SEMA3E: variants seen among roughly 807,000 people sequenced by gnomAD.
The protein encoded by SEMA3E is semaphorin-3E.
Under a neutral mutation model 93.6 loss-of-function variants are expected in SEMA3E, and 49 were observed. That is an observed-to-expected ratio of 0.52 (90% CI 0.42 to 0.66). The LOEUF is 0.66. Ranked by LOEUF, SEMA3E falls within the 30% of genes least tolerant of loss-of-function variation. The pLI is 0.00. For missense variants in SEMA3E, 906 were observed against 964.8 expected, an observed-to-expected ratio of 0.94 and a Z score of 0.81; for synonymous variants, 363 against 330.7, an observed-to-expected ratio of 1.10 and a Z score of -1.06.
intron 1 of SEMA3E, among the ~76,000 whole-genome samples, chr7:83,621,168 T>C (rs1471087148): frequency 5.3e-5 from 8 of 152,154 alleles, no homozygotes; most frequent in Non-Finnish European, 8.8e-5. Context: ...AAAATTAATA[T>C]GCAAAATTTG....
At chr7:83,427,668 G>GT (rs1212715584) in intron 4 of SEMA3E, among the ~76,000 whole-genome samples, 1 of 152,140 alleles carries the variant, frequency 6.6e-6, no homozygotes, top group Non-Finnish European at 1.5e-5. Context: ...CTTAAACGCA[G>GT]TGTTTCATGT....
At chr7:83,466,708 T>A (rs1450594944) in intron 3 of SEMA3E, 107 bp from the exon 4 acceptor site, 5 of 1,414,010 alleles carry the variant, frequency 3.5e-6, no homozygotes, top group Non-Finnish European at 4.9e-6. Flanking sequence ...TTACCGTAAA[T>A]CTCTGTTGGG....
At chr7:83,451,680 C>A (rs1345341492) in intron 4 of SEMA3E, among the ~76,000 whole-genome samples, 1 of 152,178 alleles carries the variant, frequency 6.6e-6, no homozygotes, top group Non-Finnish European at 1.5e-5. Context: ...AAGCACATGT[C>A]CCATGTGGAA....
At chr7:83,638,724 G>C (rs1457503788) in intron 1 of SEMA3E, among the ~76,000 whole-genome samples, 1 of 152,100 alleles carries the variant, frequency 6.6e-6, no homozygotes, top group African/African-American at 2.4e-5. Context: ...GGTAATATGA[G>C]CTTGAGGCTT....
intron 1 of SEMA3E, among the ~76,000 whole-genome samples, chr7:83,491,545 C>A (rs1421345023): frequency 6.6e-6 from 1 of 151,842 alleles, no homozygotes; most frequent in African/African-American, 2.4e-5. Flanking sequence ...ATTGAGTTAG[C>A]TTTGAGATAT....
intron 2 of SEMA3E, among the ~76,000 whole-genome samples, chr7:83,473,930 T>C (rs1789954944): frequency 6.6e-6 from 1 of 151,556 alleles, no homozygotes; most frequent in Non-Finnish European, 1.5e-5. Flanking sequence ...CTTGTCTCTA[T>C]GAAAAATACA....
intron 1 of SEMA3E, among the ~76,000 whole-genome samples, chr7:83,495,841 T>C (rs1790480019): frequency 6.6e-6 from 1 of 151,920 alleles, no homozygotes; most frequent in African/African-American, 2.4e-5. Flanking sequence ...CTATGTAAAA[T>C]TTCTATATTA....
At chr7:83,630,203 G>A (rs1793758979) in intron 1 of SEMA3E, among the ~76,000 whole-genome samples, 1 of 152,216 alleles carries the variant, frequency 6.6e-6, no homozygotes, top group African/African-American at 2.4e-5. Context: ...GTCTCACTGG[G>A]AGCTGCAGAT....
At chr7:83,621,656 T>C (rs553701145) in intron 1 of SEMA3E, among the ~76,000 whole-genome samples, 2 of 152,102 alleles carry the variant, frequency 1.3e-5, no homozygotes, top group African/African-American at 4.8e-5. Context: ...CATTGACCGA[T>C]GGAACAGAAT....
At chr7:83,622,499 T>C (rs1395570038) in intron 1 of SEMA3E, among the ~76,000 whole-genome samples, 1 of 152,146 alleles carries the variant, frequency 6.6e-6, no homozygotes, top group Non-Finnish European at 1.5e-5. Flanking sequence ...CAAAGGAATA[T>C]AAATCCTTCT....
intron 1 of SEMA3E, among the ~76,000 whole-genome samples, chr7:83,582,247 T>G (rs955734847): frequency 2.0e-5 from 3 of 150,610 alleles, no homozygotes; most frequent in Admixed American, 2.0e-4. Context: ...TAGTAATATA[T>G]ACATATAAAT....
chr7:83,541,842 A>T (rs1248432553), intron 1 of SEMA3E, among the ~76,000 whole-genome samples: 1 of 149,898 alleles, frequency 6.7e-6, no homozygotes, highest in African/African-American at 2.4e-5. Context: ...GTATGTTGGA[A>T]GGAGTGTATA....
intron 2 of SEMA3E, among the ~76,000 whole-genome samples, chr7:83,474,280 G>A (rs2115911651): frequency 6.6e-6 from 1 of 152,056 alleles, no homozygotes; most frequent in Non-Finnish European, 1.5e-5. Flanking sequence ...ATTTATCAAA[G>A]TGATGATAGT....
intron 4 of SEMA3E, among the ~76,000 whole-genome samples, chr7:83,454,944 A>G (rs1584259373): frequency 1.3e-5 from 2 of 152,224 alleles, no homozygotes; most frequent in Non-Finnish European, 2.9e-5. Context: ...TTTTAAAAAC[A>G]TTATTTGTGT....
At chr7:83,455,903 A>T (rs931636540) in intron 4 of SEMA3E, among the ~76,000 whole-genome samples, 5 of 152,210 alleles carry the variant, frequency 3.3e-5, no homozygotes, top group African/African-American at 1.2e-4. Flanking sequence ...TGAACCCGGA[A>T]TATGACCCTG....
intron 1 of SEMA3E, among the ~76,000 whole-genome samples, chr7:83,531,890 TAA>T (rs138137045): frequency 2.6e-3 from 398 of 152,284 alleles, no homozygotes; most frequent in African/African-American, 9.2e-3. Context: ...CATTAAGACA[TAA>T]GATTGGCACC....
intron 1 of SEMA3E, among the ~76,000 whole-genome samples, chr7:83,633,945 G>T (rs3801578): frequency 6.6e-6 from 1 of 152,196 alleles, no homozygotes; most frequent in African/African-American, 2.4e-5. Flanking sequence ...TCCTTAACTG[G>T]CAAGAATTCT....
chr7:83,486,613 A>G (rs920855145), intron 2 of SEMA3E, among the ~76,000 whole-genome samples: 4 of 152,088 alleles, frequency 2.6e-5, no homozygotes, highest in African/African-American at 9.7e-5. Context: ...CGCTGCTACT[A>G]AAAGCAGCCT....
intron 4 of SEMA3E, among the ~76,000 whole-genome samples, chr7:83,435,961 G>A (rs892841306): frequency 6.6e-6 from 1 of 152,042 alleles, no homozygotes; most frequent in Non-Finnish European, 1.5e-5. Flanking sequence ...GTAGCAACAA[G>A]TTGAGCTCAT....
Sources: allele counts gnomAD v4.1 joint callset (sites outside exome capture counted in the v4.1 genomes callset), GRCh38; gene constraint gnomAD v4.1.1; transcripts MANE v1.5; gene names NCBI Gene and HGNC (gene_info 2026-07-23, HGNC 2026-07-21).